Variants in IQCE observed in about 807,000 individuals in gnomAD.
The protein encoded by IQCE is IQ motif containing E.
IQCE carries 115 observed loss-of-function variants against 96.0 expected under a neutral mutation model. The observed-to-expected ratio is 1.20, with a 90% confidence interval of 1.03 to 1.40. The LOEUF (loss-of-function observed/expected upper bound fraction) is 1.40. IQCE is among the 40% of genes most tolerant of loss of function. The probability of loss-of-function intolerance (pLI) is 0.00; values close to 1 mark genes in which losing one functional copy is unlikely to be tolerated. For missense variants in IQCE, 1,041 were observed against 909.1 expected (o/e 1.15, Z -1.87); for synonymous variants, 412 against 371.2 (o/e 1.11, Z -1.26).
chr7:2,605,663 AATAG>A (rs1278017117), intron 19 of IQCE, among the ~76,000 whole-genome samples: 1 of 151,380 alleles, frequency 6.6e-6, no homozygotes, highest in Non-Finnish European at 1.5e-5. Flanking sequence ...TAAATAAATA[AATAG>A]ATAAATAAGA....
At chr7:2,596,595 G>C (rs1227130980) in intron 16 of IQCE, among the ~76,000 whole-genome samples, 1 of 152,232 alleles carries the variant, frequency 6.6e-6, no homozygotes, top group Non-Finnish European at 1.5e-5. Flanking sequence ...TTAATTGTAG[G>C]TTAAATGGAG....
rs1261983659 is a variant in IQCE at position 2,613,960 on chromosome 7, T to C, written c.*3798T>C. ...CCCGGTGTTGGACAAAGTAGCTTTT[T>C]CTTTGCTCGTTTGTCTGTGTATTAA... On this transcript the variant is annotated 3_prime_UTR_variant, in exon 22 of 22. Coordinates refer to ENST00000402050, the MANE Select transcript of IQCE (RefSeq NM_152558.5). 3 of 152,232 alleles carry C rather than the reference T, an allele frequency of 2.0e-5. No homozygotes were observed. The highest frequency in any genetic ancestry group is 7.2e-5 in the African/African-American group (3 of 41,468). 9.4% of individuals were successfully genotyped at this position (152,232 alleles called of 1,614,324 possible). A position where few individuals can be genotyped will look rare whatever the true frequency, so the allele number is the denominator to read the frequency against.
chr7:2,594,813 C>A, intron 15 of IQCE, 73 bp from the exon 16 acceptor site: 1 of 1,108,510 alleles, frequency 9.0e-7, no homozygotes, highest in Non-Finnish European at 1.4e-6. Context: ...ACCGCCCGCC[C>A]CACCCTGCCC....
intron 13 of IQCE, among the ~76,000 whole-genome samples, chr7:2,588,682 T>TTTTTTTGG (rs71026532): frequency 7.7e-6 from 1 of 130,020 alleles, no homozygotes; most frequent in African/African-American, 3.0e-5. Flanking sequence ...TTTTTTTTTT[T>TTTTTTTGG]GAGGTGGAGT....
At chr7:2,573,395 A>G (rs777014122) in intron 5 of IQCE, 23 bp from the exon 6 acceptor site, 1 of 1,177,980 alleles carries the variant, frequency 8.5e-7, no homozygotes, top group South Asian at 1.3e-5. Context: ...AGTCTTTGAA[A>G]CGATTTGTTT....
At chr7:2,593,234 A>C in intron 15 of IQCE, 108 bp downstream of exon 15, 2 of 1,450,780 alleles carry the variant, frequency 1.4e-6, no homozygotes, top group Non-Finnish European at 1.8e-6. Context: ...GCTTCTTAGA[A>C]AGGCCACACC....
chr7:2,580,687 G>C (rs899990627), intron 8 of IQCE, among the ~76,000 whole-genome samples: 1 of 152,164 alleles, frequency 6.6e-6, no homozygotes, highest in Admixed American at 6.5e-5. Flanking sequence ...ACAGGCGCCA[G>C]CAGGGACAGA....
intron 20 of IQCE, 44 bp downstream of exon 20, chr7:2,606,041 G>A (rs148878193): frequency 6.4e-7 from 1 of 1,570,138 alleles, no homozygotes; most frequent in Non-Finnish European, 8.6e-7. Context: ...CATGGCACGA[G>A]AGGCTGCCCA....
At chr7:2,581,732 T>C (rs11761355) in intron 8 of IQCE, among the ~76,000 whole-genome samples, 114,428 of 146,500 alleles carry the variant, frequency 0.78, 45,246 homozygotes, top group African/African-American at 0.88. Flanking sequence ...TTTTTTGAGA[T>C]GGAGTCTCGC....
chr7:2,564,612 C>G (rs1781225289), intron 1 of IQCE, among the ~76,000 whole-genome samples: 1 of 151,824 alleles, frequency 6.6e-6, no homozygotes, highest in Non-Finnish European at 1.5e-5. Flanking sequence ...AAAAAAAAAT[C>G]TATACATTTG....
chr7:2,610,402 G>A lies in IQCE; in HGVS notation c.*240G>A. ...ATCTCCAGCTGCAGCTCGGATGGTGGATTTTCAGTGCCAACAGACACATCT... is the reference window on the plus strand; with the variant it reads ...ATCTCCAGCTGCAGCTCGGATGGTGAATTTTCAGTGCCAACAGACACATCT... On this transcript the variant is annotated 3_prime_UTR_variant, in exon 22 of 22. Coordinates refer to ENST00000402050, the MANE Select transcript of IQCE (RefSeq NM_152558.5). 2.1e-6 allele frequency: 1 copy of A among 467,750 alleles called. No homozygotes were observed. The highest frequency in any genetic ancestry group is 2.4e-5 in the South Asian group (1 of 42,138). The allele number at this position is 467,750 out of a possible 1,614,324, so 29.0% of individuals were successfully genotyped here.
chr7:2,569,013 G>C lies in IQCE; in HGVS notation c.130+14G>C. 1 of 1,613,338 alleles carries C rather than the reference G, an allele frequency of 6.2e-7. No individual in the cohort carries two copies. The highest frequency in any genetic ancestry group is 8.5e-7 in the Non-Finnish European group (1 of 1,179,392). ...CCACATCGCCAAGTAAGTATGACGAGGCCTGCCTTCCCTCTCACGCCGACG... is the reference window on the plus strand; with the variant it reads ...CCACATCGCCAAGTAAGTATGACGACGCCTGCCTTCCCTCTCACGCCGACG... On this transcript the variant is annotated intron_variant, in intron 3 of 21. Transcript: ENST00000402050.
At chr7:2,561,582 G>A (rs534643625) in intron 1 of IQCE, among the ~76,000 whole-genome samples, 21 of 151,916 alleles carry the variant, frequency 1.4e-4, no homozygotes, top group African/African-American at 3.9e-4. Flanking sequence ...CACCATGCCC[G>A]GCTAATTTTT....
intron 13 of IQCE, 113 bp downstream of exon 13, chr7:2,587,990 G>A: frequency 9.0e-6 from 9 of 997,492 alleles, no homozygotes; most frequent in Non-Finnish European, 1.4e-5. Flanking sequence ...TGTCTGCCAG[G>A]CAGCGCCACA....
At chr7:2,563,624 A>C (rs1781137511) in intron 1 of IQCE, among the ~76,000 whole-genome samples, 1 of 151,988 alleles carries the variant, frequency 6.6e-6, no homozygotes, top group South Asian at 2.1e-4. Flanking sequence ...ACATCCCATA[A>C]ATTTTGATTT....
intron 6 of IQCE, among the ~76,000 whole-genome samples, chr7:2,576,688 C>T (rs1011479140): frequency 2.2e-4 from 34 of 152,140 alleles, no homozygotes; most frequent in African/African-American, 6.3e-4. Flanking sequence ...GGTAAGCCAC[C>T]GTGCCCGGCC....
Position 2,610,371 on chromosome 7 carries a change from C to G in IQCE, c.*209C>G. 1 of 510,780 alleles carries G rather than the reference C, an allele frequency of 2.0e-6. No individual in the cohort carries two copies. Among genetic ancestry groups the G allele is most frequent in the South Asian group, 2.3e-5 (1 of 43,406 alleles). The allele number at this position is 510,780 out of a possible 1,614,324, so 31.6% of individuals were successfully genotyped here. ...CTGGGGAGGGCCAGCGGCTCGCATC[C>G]CCCTCATCTCCAGCTGCAGCTCGGA... On this transcript the variant is annotated 3_prime_UTR_variant, in exon 22 of 22. Transcript: ENST00000402050.
At position 2,586,228 on chromosome 7, in the gene IQCE, C is replaced by G; in HGVS notation, c.845C>G (p.Thr282Arg). ...TCCAGGCCCCTGGGGGAGAAGAAGA[C>G]GGGCGCCAAAAGGCAGAAGAAGATG... ...TGKKPLGEKK[T>R]GAKRQKKMGS... The change falls in exon 12 of 22, where the codon ACG (threonine) becomes AGG (arginine). Residue 282 changes from threonine (T) to arginine (R), a missense_variant. Coordinates refer to ENST00000402050, the MANE Select transcript of IQCE (RefSeq NM_152558.5). 2 of 1,613,630 alleles carry G rather than the reference C, an allele frequency of 1.2e-6. No homozygotes were observed. The highest frequency in any genetic ancestry group is 2.2e-5 in the East Asian group (1 of 44,876).
At chr7:2,581,902 C>CG in intron 8 of IQCE, 1 of 283,672 alleles carries the variant, frequency 3.5e-6, no homozygotes, top group South Asian at 3.1e-5. Flanking sequence ...TTAGTAGAGA[C>CG]GGGGTTTCAC....
Sources: allele counts gnomAD v4.1 joint callset (sites outside exome capture counted in the v4.1 genomes callset), GRCh38; gene constraint gnomAD v4.1.1; transcripts MANE v1.5; gene names NCBI Gene and HGNC (gene_info 2026-07-23, HGNC 2026-07-21).